The following SIK3 variants were observed in gnomAD, a reference collection of about 807,000 sequenced individuals.
SIK3 encodes the protein serine/threonine-protein kinase SIK3.
A neutral mutation model predicts 144.2 loss-of-function variants in SIK3; 28 were observed. That is an observed-to-expected ratio of 0.19 (90% CI 0.14 to 0.27). The LOEUF (loss-of-function observed/expected upper bound fraction) is 0.27, where lower values mean the gene tolerates loss of function less well. Ranked by LOEUF, SIK3 falls within the 10% of genes least tolerant of loss-of-function variation. SIK3 has a pLI of 1.00. For synonymous variants in SIK3, 686 were observed against 676.3 expected, an observed-to-expected ratio of 1.01 and a Z score of -0.22; for missense variants, 1,319 against 1,776.0, an observed-to-expected ratio of 0.74 and a Z score of 4.62.
At chr11:116,923,052 G>C (rs1177511278) in intron 4 of SIK3, among the ~76,000 whole-genome samples, 1 of 151,696 alleles carries the variant, frequency 6.6e-6, no homozygotes, top group Non-Finnish European at 1.5e-5. Context: ...GAGTAGCTGG[G>C]ATTACAGGCA....
intron 1 of SIK3, among the ~76,000 whole-genome samples, chr11:117,041,235 A>T (rs1952730736): frequency 1.3e-5 from 2 of 152,154 alleles, no homozygotes; most frequent in South Asian, 4.1e-4. Flanking sequence ...GGGGAAAAAA[A>T]TAGCAAAGCA....
chr11:117,088,924 C>T (rs1955127634), intron 1 of SIK3, among the ~76,000 whole-genome samples: 1 of 152,084 alleles, frequency 6.6e-6, no homozygotes, highest in South Asian at 2.1e-4. Context: ...TCAAGTGATC[C>T]TCCTGCCTCA....
intron 1 of SIK3, among the ~76,000 whole-genome samples, chr11:117,049,777 G>A (rs1353950642): frequency 1.3e-5 from 2 of 150,456 alleles, no homozygotes; most frequent in Non-Finnish European, 3.0e-5. Flanking sequence ...GCAACAAACC[G>A]AGATATCATC....
At chr11:116,852,598 G>GGTT (rs1304319269) in intron 21 of SIK3, among the ~76,000 whole-genome samples, 1 of 152,182 alleles carries the variant, frequency 6.6e-6, no homozygotes, top group Non-Finnish European at 1.5e-5. Context: ...GCTTCATAGA[G>GGTT]GTTACTACAC....
At position 116,927,376 on chromosome 11, in the gene SIK3, G is replaced by A. The variant is rs150221377; in HGVS notation, c.459C>T (p.His153=). ...CTGCCATTCTACCATGGGCCACCAG[G>A]TGGTCTGTGTTGAAGAAGAATACAG... ...EYASGGEIFD[H]LVAHGRMAEK... Residue 153 remains histidine, a synonymous_variant, in exon 4 of 25, where the codon CAC becomes CAT. Coordinates refer to ENST00000445177, the MANE Select transcript of SIK3 (RefSeq NM_001366686.3). The A allele has an allele frequency of 1.1e-4, 177 of 1,611,954 alleles. No homozygotes were observed. In the African/African-American group the frequency reaches 1.9e-3, roughly 17 times the overall value.
chr11:116,868,023 C>T lies in SIK3; in HGVS notation c.1875G>A (p.Pro625=), dbSNP rs934557021. 35 of 1,550,360 alleles carry T rather than the reference C, an allele frequency of 2.3e-5. No individual in the cohort carries two copies. In the East Asian group the frequency reaches 7.3e-4, roughly 32 times the overall value. ...GCTGTCCTAGCTGCCGTTGTAGGTC[C>T]GGTGGGATCTCAGCTGTAGGGTTGG... ...AMTNPTAEIP[P]DLQRQLGQQP... Residue 625 remains proline, a synonymous_variant, in exon 15 of 25, where the codon CCG becomes CCA. Transcript: ENST00000445177.
intron 4 of SIK3, among the ~76,000 whole-genome samples, chr11:116,905,420 T>A (rs1398127296): frequency 6.6e-6 from 1 of 152,240 alleles, no homozygotes; most frequent in Non-Finnish European, 1.5e-5. Flanking sequence ...TGAACATTTA[T>A]GTGAGTTTCT....
chr11:116,993,397 ATTTC>A (rs1466881610), intron 1 of SIK3, among the ~76,000 whole-genome samples: 3 of 148,314 alleles, frequency 2.0e-5, no homozygotes, highest in African/African-American at 7.6e-5. Context: ...ATGGACAACA[ATTTC>A]TTTATTATTG....
intron 3 of SIK3, among the ~76,000 whole-genome samples, chr11:116,942,368 C>G (rs1234537247): frequency 2.0e-5 from 3 of 152,138 alleles, no homozygotes; most frequent in Non-Finnish European, 4.4e-5. Flanking sequence ...ATTTATGGAA[C>G]ATGCATTCCC....
intron 1 of SIK3, among the ~76,000 whole-genome samples, chr11:116,986,655 G>A (rs1950335599): frequency 6.6e-6 from 1 of 152,096 alleles, no homozygotes; most frequent in Admixed American, 6.6e-5. Flanking sequence ...CCTCAGGCAT[G>A]TAATAAGTAC....
chr11:116,945,488 G>T (rs1948547461), intron 3 of SIK3, among the ~76,000 whole-genome samples: 1 of 147,024 alleles, frequency 6.8e-6, no homozygotes, highest in African/African-American at 2.5e-5. Flanking sequence ...GCCTCCCAAA[G>T]TGCTGGGATT....
chr11:116,851,075 TATGGACTAGA>T (rs1403970033), intron 21 of SIK3, among the ~76,000 whole-genome samples: 1 of 152,228 alleles, frequency 6.6e-6, no homozygotes, highest in Non-Finnish European at 1.5e-5. Flanking sequence ...CATACCATTC[TATGGACTAGA>T]ATTGGAGAGA....
intron 1 of SIK3, among the ~76,000 whole-genome samples, chr11:117,022,834 T>TAA (rs61697392): frequency 3.4e-5 from 5 of 146,158 alleles, no homozygotes; most frequent in African/African-American, 7.5e-5. Context: ...GTGAAGAAGT[T>TAA]AAAAAAAAAA....
At chr11:116,990,200 T>C (rs1950454122) in intron 1 of SIK3, among the ~76,000 whole-genome samples, 1 of 152,280 alleles carries the variant, frequency 6.6e-6, no homozygotes, top group Middle Eastern at 3.4e-3. Context: ...CCAATCACTG[T>C]TGTGATCCCG....
intron 1 of SIK3, among the ~76,000 whole-genome samples, chr11:117,009,705 G>A (rs1365313211): frequency 1.3e-5 from 2 of 152,146 alleles, no homozygotes; most frequent in Admixed American, 6.5e-5. Flanking sequence ...ATTCTCTAAT[G>A]TATCAAATCA....
chr11:116,901,550 C>G (rs2134833501), intron 4 of SIK3, among the ~76,000 whole-genome samples: 2 of 152,318 alleles, frequency 1.3e-5, no homozygotes, highest in Admixed American at 1.3e-4. Context: ...AATAATACTT[C>G]TTCTGTGAAG....
chr11:117,001,441 G>A (rs1051561348), intron 1 of SIK3, among the ~76,000 whole-genome samples: 1 of 152,114 alleles, frequency 6.6e-6, no homozygotes, highest in Non-Finnish European at 1.5e-5. Flanking sequence ...AGGAGGTGGA[G>A]GTTGCAGTGA....
chr11:117,058,829 T>C (rs568477983), intron 1 of SIK3, among the ~76,000 whole-genome samples: 2 of 152,312 alleles, frequency 1.3e-5, no homozygotes, highest in East Asian at 3.9e-4. Flanking sequence ...AAATCATTTC[T>C]TCAGGCCCTA....
chr11:116,965,116 T>C (rs1949481144), intron 1 of SIK3, among the ~76,000 whole-genome samples: 1 of 152,168 alleles, frequency 6.6e-6, no homozygotes. Flanking sequence ...CAAAGGAAAT[T>C]TTCTGTGATT....
Sources: gnomAD v4.1 joint callset for allele counts (sites outside exome capture counted in the v4.1 genomes callset) on GRCh38, gnomAD v4.1.1 for gene constraint, MANE v1.5 for transcripts, NCBI Gene and HGNC (gene_info 2026-07-23, HGNC 2026-07-21) for gene names.